PLB1: variants seen among roughly 807,000 people sequenced by gnomAD.
PLB1 encodes phospholipase B1, membrane-associated.
Under a neutral mutation model 227.4 loss-of-function variants are expected in PLB1, and 242 were observed. The ratio of observed to expected loss-of-function variants is 1.06; its 90% CI spans 0.96 to 1.18. The LOEUF is 1.18. PLB1 is among the 50% of genes most tolerant of loss of function. The pLI, the probability that PLB1 is intolerant of heterozygous loss-of-function variation, is 0.00. For missense variants in PLB1, 1,858 were observed against 1,816.3 expected (o/e 1.02, Z -0.42); for synonymous variants, 757 against 682.2 (o/e 1.11, Z -1.71).
In PLB1 at chr2:28,632,993, C is replaced by T; in HGVS notation, c.4052C>T (p.Ser1351Leu). Reference protein sequence around the residue: ...TFFSEDCFHFSDRGHAEMAIA... With the variant: ...TFFSEDCFHFLDRGHAEMAIA... ...TTCTCCGAGGACTGTTTTCACTTCT[C>T]AGACCGCGGGCATGCCGAGATGGCC... Residue 1351 changes from serine (S) to leucine (L), a missense_variant, in exon 56 of 58, where the codon TCA becomes TTA. Ser to Leu is a moderately radical substitution (Grantham distance 145, BLOSUM62 -2). Coordinates refer to ENST00000327757, the MANE Select transcript of PLB1 (RefSeq NM_153021.5). 8 of 1,608,030 alleles carry T rather than the reference C, an allele frequency of 5.0e-6. No homozygotes were observed. The highest frequency in any genetic ancestry group is 6.8e-6 in the Non-Finnish European group (8 of 1,179,952).
intron 4 of PLB1, among the ~76,000 whole-genome samples, chr2:28,522,417 C>G (rs1374572490): frequency 1.3e-5 from 2 of 151,934 alleles, no homozygotes; most frequent in Non-Finnish European, 2.9e-5. Context: ...TGGAGGGTTA[C>G]CCTTGATAAG....
chr2:28,633,170 A>G, intron 56 of PLB1, 131 bp downstream of exon 56: 1 of 675,896 alleles, frequency 1.5e-6, no homozygotes, highest in Non-Finnish European at 2.5e-6. Context: ...AGCACACCTT[A>G]TTGGTCCTGA....
chr2:28,622,826 C>T (rs1170912602), intron 49 of PLB1, among the ~76,000 whole-genome samples: 4 of 152,202 alleles, frequency 2.6e-5, no homozygotes, highest in Admixed American at 2.0e-4. Context: ...GTGGAGGCTG[C>T]AGTGAGCCAA....
In PLB1 at chr2:28,539,091, C is replaced by T. The variant is rs1347947057; in HGVS notation, c.619-8C>T. 2 of 1,610,646 alleles carry T rather than the reference C, an allele frequency of 1.2e-6. No individual in the cohort carries two copies. Among genetic ancestry groups the T allele is most frequent in the Non-Finnish European group, 8.5e-7 (1 of 1,176,880 alleles). ...AATACTCACCTCCCTCTCTGTGTGTCCTCCTAGGTCCCCAGAGCATTTGTA... is the reference window on the plus strand; with the variant it reads ...AATACTCACCTCCCTCTCTGTGTGTTCTCCTAGGTCCCCAGAGCATTTGTA... On this transcript the variant is annotated splice_polypyrimidine_tract_variant and splice_region_variant and intron_variant, in intron 10 of 57. Transcript: ENST00000327757.
In PLB1 at chr2:28,602,906, CA is replaced by C; in HGVS notation, c.2760del (p.Val921CysfsTer12). 6.2e-7 allele frequency: 1 copy of C among 1,614,130 alleles called. No homozygotes were observed. Among genetic ancestry groups the C allele is most frequent in the East Asian group, 2.2e-5 (1 of 44,886 alleles). On this transcript the variant is annotated frameshift_variant, in exon 39 of 58. Transcript: ENST00000327757. LOFTEE classifies it high-confidence loss of function. ...TTCCTGGGAAACCCAGACAAGTGCC[CA>C]GTGCAGCAGGCCAGGTAGGCAGGTC... ...QVFLGNPDKC[P>X]VQQASVLCNC...
chr2:28,509,743 G>A (rs900486976), intron 1 of PLB1, among the ~76,000 whole-genome samples: 2 of 152,176 alleles, frequency 1.3e-5, no homozygotes, highest in African/African-American at 4.8e-5. Flanking sequence ...CCATGGGCTT[G>A]ATGTCAAAAC....
chr2:28,548,751 A>T, intron 14 of PLB1, 109 bp from the exon 15 acceptor site: 1 of 1,027,508 alleles, frequency 9.7e-7, no homozygotes, highest in African/African-American at 1.6e-5. Context: ...TGCATTTCTA[A>T]TGCGTTCCCT....
chr2:28,598,248 A>G (rs760349003), intron 34 of PLB1, among the ~76,000 whole-genome samples, 200 bp downstream of exon 34: 1 of 152,180 alleles, frequency 6.6e-6, no homozygotes, highest in African/African-American at 2.4e-5. Flanking sequence ...TCTGAGTTCA[A>G]TCCCTGGTGC....
intron 49 of PLB1, among the ~76,000 whole-genome samples, chr2:28,624,419 C>T (rs558160925): frequency 3.8e-4 from 57 of 151,880 alleles, no homozygotes; most frequent in African/African-American, 9.9e-4. Flanking sequence ...AGTAGTGTTC[C>T]GTTGGCATTC....
chr2:28,602,094 T>C (rs1684009981), intron 38 of PLB1, 130 bp downstream of exon 38: 12 of 896,808 alleles, frequency 1.3e-5, no homozygotes, highest in Non-Finnish European at 2.1e-5. Context: ...TCCTTCCCTT[T>C]TCAGAGGTTG....
chr2:28,552,363 G>A (rs531425816), intron 16 of PLB1, among the ~76,000 whole-genome samples: 7 of 152,202 alleles, frequency 4.6e-5, no homozygotes, highest in Non-Finnish European at 8.8e-5. Context: ...TCAAGGGCTG[G>A]TGGTTTAGAA....
At chr2:28,520,994 A>C (rs1412668766) in intron 4 of PLB1, among the ~76,000 whole-genome samples, 3 of 152,176 alleles carry the variant, frequency 2.0e-5, no homozygotes, top group Non-Finnish European at 4.4e-5. Context: ...AAAACAAAAA[A>C]GAAATCATAC....
chr2:28,632,926 C>A lies in PLB1; in HGVS notation c.4003-18C>A, dbSNP rs1688840759. On this transcript the variant is annotated intron_variant, in intron 55 of 57. Transcript: ENST00000327757. ...GAGCCCTTTCCCAGGATGATAACCT[C>A]CTTGCCGTTGGTTGCAGAGAGGGGA... is the stretch of plus-strand genomic sequence containing the variant. 6.2e-7 allele frequency: 1 copy of A among 1,602,908 alleles called. No individual in the cohort carries two copies. Among genetic ancestry groups the A allele is most frequent in the Middle Eastern group, 1.7e-4 (1 of 6,034 alleles).
At chr2:28,626,697 C>A (rs1022184350) in intron 51 of PLB1, 189 bp downstream of exon 51, 2 of 617,994 alleles carry the variant, frequency 3.2e-6, no homozygotes, top group Non-Finnish European at 5.8e-6. Context: ...GCCTGAGCGA[C>A]CCCTGGAAGA....
chr2:28,642,877 C>A lies in PLB1; in HGVS notation c.4193C>A (p.Thr1398Asn), dbSNP rs745757800. 5 of 1,603,508 alleles carry A rather than the reference C, an allele frequency of 3.1e-6. No individual in the cohort carries two copies. In the South Asian group the frequency reaches 3.4e-5, roughly 11 times the overall value. Residue 1398 changes from threonine to asparagine, a missense_variant, in exon 58 of 58, where the codon ACC (threonine) becomes AAC (asparagine). Coordinates refer to ENST00000327757, the MANE Select transcript of PLB1 (RefSeq NM_153021.5). ...CPSPESPYLY[T>N]LRNSRLLPDQ... ...CCACAGGAGAGCCCTTACCTCTACA[C>A]CCTGCGGAACAGCCGATTGCTCCCA...
chr2:28,601,020 G>T (rs1455835164), intron 36 of PLB1, among the ~76,000 whole-genome samples, 160 bp downstream of exon 36: 1 of 152,170 alleles, frequency 6.6e-6, no homozygotes, highest in Non-Finnish European at 1.5e-5. Flanking sequence ...GTGGAGGAGG[G>T]TATGTCAATG....
chr2:28,566,576 G>T (rs1676944086), intron 19 of PLB1: 1 of 536,178 alleles, frequency 1.9e-6, no homozygotes, highest in Non-Finnish European at 3.4e-6. Flanking sequence ...ATCAGCCGCT[G>T]GTTTAAAGCT....
At chr2:28,622,559 A>G (rs1180479856) in intron 49 of PLB1, among the ~76,000 whole-genome samples, 1 of 152,212 alleles carries the variant, frequency 6.6e-6, no homozygotes, top group Non-Finnish European at 1.5e-5. Flanking sequence ...AATTCATTGA[A>G]CACCTGCAAA....
At position 28,614,112 on chromosome 2, in the gene PLB1, C is replaced by T. The variant is rs775900576; in HGVS notation, c.3195+16C>T. ...AGCCATTGAGGTAACCCCTGACTCA[C>T]ATCTGCCTCTCTCAGACACAAACCA... On this transcript the variant is annotated intron_variant, in intron 44 of 57. Coordinates refer to ENST00000327757, the MANE Select transcript of PLB1 (RefSeq NM_153021.5). 12 of 1,600,058 alleles carry T rather than the reference C, an allele frequency of 7.5e-6. No individual in the cohort carries two copies. In the East Asian group the frequency reaches 1.8e-4, roughly 24 times the overall value.
Sources: allele counts gnomAD v4.1 joint callset (sites outside exome capture counted in the v4.1 genomes callset), GRCh38; gene constraint gnomAD v4.1.1; transcripts MANE v1.5; gene names NCBI Gene and HGNC (gene_info 2026-07-23, HGNC 2026-07-21).